The following COG5 variants were observed in gnomAD, a reference collection of about 807,000 sequenced individuals.
The protein encoded by COG5 is component of oligomeric golgi complex 5.
COG5 carries 86 observed loss-of-function variants against 110.4 expected under a neutral mutation model. That is an observed-to-expected ratio of 0.78 (90% CI 0.65 to 0.93). The LOEUF (loss-of-function observed/expected upper bound fraction) is 0.93, where lower values mean the gene tolerates loss of function less well. COG5 is among the 40% of genes least tolerant of loss of function. The pLI, the probability that COG5 is intolerant of heterozygous loss-of-function variation, is 0.00. For missense variants in COG5, 1,077 were observed against 987.0 expected, an observed-to-expected ratio of 1.09 and a Z score of -1.22; for synonymous variants, 360 against 334.6, an observed-to-expected ratio of 1.08 and a Z score of -0.83.
In COG5 at chr7:107,375,177, G is replaced by A. The variant is rs146952202; in HGVS notation, c.670-2417C>T. On this transcript the variant is annotated intron_variant, in intron 7 of 21. Transcript: ENST00000297135. Reference sequence around the variant, plus strand: ...CTCAACATATTTTTTTGTGAAATTCGTCCATGTTGTTGGATGCAGCAGTAG... The same window carrying A: ...CTCAACATATTTTTTTGTGAAATTCATCCATGTTGTTGGATGCAGCAGTAG... Among the ~76,000 whole-genome samples the A allele has an allele frequency of 3.3e-3, 494 of 151,972 alleles. 8 individuals are homozygous for A. The highest frequency in any genetic ancestry group is 4.4e-3 in the Non-Finnish European group (296 of 67,862).
chr7:107,282,522 T>C (rs1243970489), intron 13 of COG5, among the ~76,000 whole-genome samples: 2 of 152,172 alleles, frequency 1.3e-5, no homozygotes, highest in African/African-American at 2.4e-5. Flanking sequence ...TACATGTGGC[T>C]TTTTATTTTT....
At position 107,357,151 on chromosome 7, in the gene COG5, T is replaced by C. The variant is rs115669152; in HGVS notation, c.1026+4882A>G. Among the ~76,000 whole-genome samples the C allele has an allele frequency of 5.5e-3, 832 of 152,314 alleles. 9 individuals are homozygous for C. The highest frequency in any genetic ancestry group is 0.019 in the African/African-American group (810 of 41,584). On this transcript the variant is annotated intron_variant, in intron 10 of 21. Transcript: ENST00000297135. ...TATCTTAACTAGAAAAATAATGTTC[T>C]TACTTGGTAGTTACATCCTTAGCAA...
chr7:107,509,294 C>T (rs561424123), intron 6 of COG5, among the ~76,000 whole-genome samples: 2 of 151,812 alleles, frequency 1.3e-5, no homozygotes, highest in African/African-American at 4.8e-5. Flanking sequence ...AGAAAGGGTA[C>T]CAGTGATGGA....
At chr7:107,381,126 T>G (rs936564642) in intron 7 of COG5, among the ~76,000 whole-genome samples, 17 of 147,054 alleles carry the variant, frequency 1.2e-4, no homozygotes, top group Non-Finnish European at 4.6e-5. Context: ...TTTGCTTCTT[T>G]AAAATTTCTG....
chr7:107,328,484 C>T (rs1212103680), intron 10 of COG5, among the ~76,000 whole-genome samples: 3 of 152,090 alleles, frequency 2.0e-5, no homozygotes, highest in East Asian at 3.9e-4. Context: ...ATGAATGAAC[C>T]TTGAAGATGT....
At position 107,523,992 on chromosome 7, in the gene COG5, T is replaced by C. The variant is rs182768679; in HGVS notation, c.538+3245A>G. 2.9e-3 allele frequency among the ~76,000 whole-genome samples: 435 copies of C among 152,306 alleles called. 2 individuals are homozygous for C. The highest frequency in any genetic ancestry group is 5.0e-3 in the South Asian group (24 of 4,826). On this transcript the variant is annotated intron_variant, in intron 6 of 21. Coordinates refer to ENST00000297135, the MANE Select transcript of COG5 (RefSeq NM_006348.5). ...ACAAAGACTTGTACATGAATGTTCA[T>C]AGCAGCTTAATTTATAATATTAAAA...
At chr7:107,239,822 C>A (rs1801475638) in intron 17 of COG5, among the ~76,000 whole-genome samples, 1 of 152,148 alleles carries the variant, frequency 6.6e-6, no homozygotes, top group Non-Finnish European at 1.5e-5. Flanking sequence ...TAGTTTCATA[C>A]CATTGTCATT....
Position 107,384,817 on chromosome 7 carries a change from T to C in COG5, c.670-12057A>G, listed in dbSNP as rs189565579. The stretch of plus-strand genomic sequence containing the variant: ...ACTGAATCCTGCTGGATCTTTGTTT[T>C]AGACTTTCCAATCTCTAGAACTGTG... On this transcript the variant is annotated intron_variant, in intron 7 of 21. Coordinates refer to ENST00000297135, the MANE Select transcript of COG5 (RefSeq NM_006348.5). Among the ~76,000 whole-genome samples the C allele has an allele frequency of 3.5e-3, 527 of 152,322 alleles. 1 individual carries two copies. Among genetic ancestry groups the C allele is most frequent in the Non-Finnish European group, 3.3e-3 (224 of 68,024 alleles).
intron 6 of COG5, among the ~76,000 whole-genome samples, chr7:107,459,280 T>C (rs1335405000): frequency 6.6e-6 from 1 of 152,116 alleles, no homozygotes; most frequent in Non-Finnish European, 1.5e-5. Context: ...GCAAACTATA[T>C]AGAATGAACC....
At chr7:107,468,672 C>T (rs1490361134) in intron 6 of COG5, among the ~76,000 whole-genome samples, 4 of 152,064 alleles carry the variant, frequency 2.6e-5, no homozygotes, top group African/African-American at 9.7e-5. Context: ...TCAGCTATTC[C>T]CCTATAAAGA....
At chr7:107,259,190 A>T (rs1272126791) in intron 14 of COG5, among the ~76,000 whole-genome samples, 1 of 152,146 alleles carries the variant, frequency 6.6e-6, no homozygotes, top group Non-Finnish European at 1.5e-5. Context: ...TTTTAATCCA[A>T]TCCTTTATAA....
chr7:107,460,408 A>C (rs1795917595), intron 6 of COG5, among the ~76,000 whole-genome samples: 4 of 152,232 alleles, frequency 2.6e-5, no homozygotes, highest in Admixed American at 2.0e-4. Flanking sequence ...GAAAAAAAAA[A>C]CAACATACTT....
intron 3 of COG5, among the ~76,000 whole-genome samples, chr7:107,548,872 G>A (rs1802665835): frequency 6.6e-6 from 1 of 152,024 alleles, no homozygotes; most frequent in South Asian, 2.1e-4. Context: ...GGAAGATCAA[G>A]CATAAATTTT....
At chr7:107,400,445 TTTAAA>T (rs1791345166) in intron 7 of COG5, among the ~76,000 whole-genome samples, 1 of 152,130 alleles carries the variant, frequency 6.6e-6, no homozygotes, top group African/African-American at 2.4e-5. Flanking sequence ...CACAAGAGTG[TTTAAA>T]TTAAGTAAAA....
In COG5 at chr7:107,201,578, A is replaced by T. The variant is rs1056277387; in HGVS notation, c.*1938T>A. 2 of 467,710 alleles carry T rather than the reference A, an allele frequency of 4.3e-6. No individual in the cohort carries two copies. The highest frequency in any genetic ancestry group is 4.0e-5 in the African/African-American group (2 of 49,846). The allele number at this position is 467,710 out of a possible 1,614,324, so 29.0% of individuals were successfully genotyped here. A position where few individuals can be genotyped will look rare whatever the true frequency, so the allele number is the denominator to read the frequency against. On this transcript the variant is annotated 3_prime_UTR_variant, in exon 22 of 22. Coordinates refer to ENST00000297135, the MANE Select transcript of COG5 (RefSeq NM_006348.5). ...CATTGAGTCTTGAAATGATTTAATA[A>T]TATGAGTGAGGATTTGCTTTCTCCA...
rs76779212 is a variant in COG5 at position 107,214,844 on chromosome 7, C to T, written c.2169-3619G>A. 3.6e-3 allele frequency among the ~76,000 whole-genome samples: 540 copies of T among 150,476 alleles called. 5 individuals carry two copies. Among genetic ancestry groups the T allele is most frequent in the Non-Finnish European group, 5.6e-3 (377 of 67,776 alleles). On this transcript the variant is annotated intron_variant, in intron 19 of 21. Coordinates refer to ENST00000297135, the MANE Select transcript of COG5 (RefSeq NM_006348.5). ...GGCTGAATCATGAGAATCGCTTGAACGGGGAGGTGGTGGTTGTAGTGAGCC... is the reference window on the plus strand; with the variant it reads ...GGCTGAATCATGAGAATCGCTTGAATGGGGAGGTGGTGGTTGTAGTGAGCC...
intron 6 of COG5, among the ~76,000 whole-genome samples, chr7:107,433,706 A>G (rs1794176976): frequency 6.6e-6 from 1 of 152,238 alleles, no homozygotes; most frequent in Non-Finnish European, 1.5e-5. Context: ...CATAAGAGCT[A>G]AAGCTATAAA....
intron 21 of COG5, chr7:107,209,248 G>T: frequency 2.0e-6 from 2 of 985,312 alleles, no homozygotes; most frequent in Non-Finnish European, 2.4e-6. Context: ...ACGCAACAGA[G>T]TGGGTTTGAG....
At chr7:107,517,676 G>C (rs1210172840) in intron 6 of COG5, among the ~76,000 whole-genome samples, 1 of 150,918 alleles carries the variant, frequency 6.6e-6, no homozygotes, top group East Asian at 1.9e-4. Context: ...AGCCAGAAGA[G>C]AGTGGGGGCC....
Sources: allele counts gnomAD v4.1 joint callset (sites outside exome capture counted in the v4.1 genomes callset), GRCh38; gene constraint gnomAD v4.1.1; transcripts MANE v1.5; gene names NCBI Gene and HGNC (gene_info 2026-07-23, HGNC 2026-07-21).